The following NFYA variants were observed in gnomAD, a reference collection of about 807,000 sequenced individuals.
NFYA encodes CAAT-box DNA binding protein subunit A.
In NFYA, 28 loss-of-function variants were observed where a neutral mutation model predicts 52.8. That is an observed-to-expected ratio of 0.53 (90% CI 0.39 to 0.73). The LOEUF is 0.73. Ranked by LOEUF, NFYA falls within the 30% of genes least tolerant of loss-of-function variation. NFYA has a pLI of 0.00. For missense variants in NFYA, 234 were observed against 427.0 expected, an observed-to-expected ratio of 0.55 and a Z score of 3.98; for synonymous variants, 150 against 150.7, an observed-to-expected ratio of 1.00 and a Z score of 0.03.
intron 1 of NFYA, among the ~76,000 whole-genome samples, chr6:41,074,793 C>T (rs1295970337): frequency 6.6e-6 from 1 of 152,110 alleles, no homozygotes; most frequent in Non-Finnish European, 1.5e-5. Context: ...ATTGAAAAAA[C>T]GAGTTTCTGA....
chr6:41,091,886 T>C (rs761219638), intron 7 of NFYA, among the ~76,000 whole-genome samples, 192 bp downstream of exon 7: 6 of 152,188 alleles, frequency 3.9e-5, no homozygotes, highest in Non-Finnish European at 7.4e-5. Flanking sequence ...CCAGGGACTA[T>C]TCACCAGGGA....
chr6:41,090,305 G>C lies in NFYA; in HGVS notation c.543G>C (p.Gln181His), dbSNP rs1479540305. The C allele has an allele frequency of 1.2e-6, 2 of 1,612,114 alleles. No individual in the cohort carries two copies. Among genetic ancestry groups the C allele is most frequent in the South Asian group, 2.2e-5 (2 of 91,018 alleles). Reference sequence around the variant, plus strand: ...TTAATGCAGATGGCACCATTCTCCAGCAAGGTAAGTGTACCCATAAGCTTC... The same window carrying C: ...TTAATGCAGATGGCACCATTCTCCACCAAGGTAAGTGTACCCATAAGCTTC... ...QPVNADGTIL[Q>H]QVTVPVSGMI... The change falls in exon 6 of 10, where the codon CAG (glutamine) becomes CAC (histidine). Residue 181 changes from glutamine (Q) to histidine (H), a missense_variant. By Grantham distance (24) the Gln-to-His change is conservative. Around this residue, in one of 3 missense-constraint regions of NFYA, gnomAD observed 81 missense variants for 210.5 expected, o/e 0.38. Coordinates refer to ENST00000341376, the MANE Select transcript of NFYA (RefSeq NM_002505.5).
intron 1 of NFYA, among the ~76,000 whole-genome samples, chr6:41,077,457 A>G (rs958852427): frequency 6.6e-6 from 1 of 152,042 alleles, no homozygotes; most frequent in Non-Finnish European, 1.5e-5. Context: ...TAGATTACTG[A>G]TGTCTTTTGG....
At chr6:41,081,652 C>T (rs1259272290) in intron 3 of NFYA, among the ~76,000 whole-genome samples, 2 of 152,318 alleles carry the variant, frequency 1.3e-5, no homozygotes, top group East Asian at 3.9e-4. Flanking sequence ...AGGGGCAACT[C>T]AACTGAAAAA....
At chr6:41,078,136 AC>A (rs1333781552) in intron 1 of NFYA, among the ~76,000 whole-genome samples, 2 of 152,126 alleles carry the variant, frequency 1.3e-5, no homozygotes, top group African/African-American at 4.8e-5. Flanking sequence ...ATATTTCTCC[AC>A]CCATTCATCC....
intron 4 of NFYA, among the ~76,000 whole-genome samples, chr6:41,086,945 A>G (rs1005973354): frequency 2.0e-5 from 3 of 152,200 alleles, no homozygotes; most frequent in Non-Finnish European, 1.5e-5. Context: ...TGCTATAGAG[A>G]AGGATATTTT....
chr6:41,089,639 G>A lies in NFYA; in HGVS notation c.370G>A (p.Gly124Ser). ...GGGTGGACAGGCTGTGCAGGTGCAG[G>A]GCCAGCAGGGCCAGACCCAGCAGAT... Reference protein sequence around the residue: ...IQGGQAVQVQGQQGQTQQIII... With the variant: ...IQGGQAVQVQSQQGQTQQIII... Residue 124 changes from glycine to serine, a missense_variant, in exon 5 of 10, where the codon GGC (glycine) becomes AGC (serine). Gly to Ser is a moderately conservative substitution (Grantham distance 56). Around this residue, in one of 3 missense-constraint regions of NFYA, gnomAD observed 118 missense variants for 182.4 expected, o/e 0.65. Coordinates refer to ENST00000341376, the MANE Select transcript of NFYA (RefSeq NM_002505.5). The A allele has an allele frequency of 6.2e-7, 1 of 1,612,564 alleles. No individual in the cohort carries two copies. The highest frequency in any genetic ancestry group is 8.5e-7 in the Non-Finnish European group (1 of 1,179,986).
At chr6:41,090,469 T>A (rs927163074) in intron 6 of NFYA, among the ~76,000 whole-genome samples, 160 bp downstream of exon 6, 1 of 152,232 alleles carries the variant, frequency 6.6e-6, no homozygotes, top group Non-Finnish European at 1.5e-5. Flanking sequence ...TGTTGGTTTC[T>A]TGTCACCATC....
At chr6:41,082,769 G>T (rs1763943643) in intron 3 of NFYA, among the ~76,000 whole-genome samples, 1 of 152,206 alleles carries the variant, frequency 6.6e-6, no homozygotes, top group Non-Finnish European at 1.5e-5. Context: ...GTGTAGCAAA[G>T]GGGATTTGAT....
Position 41,101,809 on chromosome 6 carries a change from A to AG in NFYA, c.*4402dup, listed in dbSNP as rs544938575. On this transcript the variant is annotated 3_prime_UTR_variant, in exon 10 of 10. Transcript: ENST00000341376. ...CCATCTCCAGCTCTTGGAAGCAGAG[A>AG]GGGTGGTCCTTTGGATTCCCAGTGG... Among the ~76,000 whole-genome samples the AG allele has an allele frequency of 3.8e-3, 582 of 152,220 alleles. 11 individuals carry two copies. The South Asian group carries it at 0.06, about 16-fold the overall frequency.
chr6:41,073,440 G>A (rs1763599442), intron 1 of NFYA, among the ~76,000 whole-genome samples: 1 of 151,998 alleles, frequency 6.6e-6, no homozygotes, highest in African/African-American at 2.4e-5. Context: ...CCTACACTAG[G>A]GGACACATGC....
intron 4 of NFYA, 104 bp downstream of exon 4, chr6:41,084,296 T>G: frequency 7.6e-7 from 1 of 1,318,592 alleles, no homozygotes; most frequent in South Asian, 1.5e-5. Context: ...AACTGCTTCC[T>G]AACCCACATT....
intron 4 of NFYA, among the ~76,000 whole-genome samples, chr6:41,084,456 ATATTT>A (rs1429440290): frequency 6.6e-6 from 1 of 152,244 alleles, no homozygotes; most frequent in African/African-American, 2.4e-5. Flanking sequence ...AGTTTATAGT[ATATTT>A]TATTTTAAAA....
chr6:41,088,712 G>A (rs1026878658), intron 4 of NFYA, among the ~76,000 whole-genome samples: 5 of 151,768 alleles, frequency 3.3e-5, no homozygotes, highest in Admixed American at 1.3e-4. Flanking sequence ...AGTTCCCCAA[G>A]TAGCTGGGAC....
intron 2 of NFYA, among the ~76,000 whole-genome samples, chr6:41,079,466 C>G (rs1409824847): frequency 6.6e-6 from 1 of 152,180 alleles, no homozygotes; most frequent in Non-Finnish European, 1.5e-5. Flanking sequence ...GTCTTTTTCT[C>G]TTCTTGTTTG....
At chr6:41,097,278 G>A in intron 9 of NFYA, 79 bp from the exon 10 acceptor site, 1 of 1,294,410 alleles carries the variant, frequency 7.7e-7, no homozygotes, top group Non-Finnish European at 1.1e-6. Flanking sequence ...GTATTCTCTT[G>A]GGGGGATAAG....
intron 4 of NFYA, among the ~76,000 whole-genome samples, chr6:41,089,267 A>C (rs919539891): frequency 2.0e-5 from 3 of 152,212 alleles, no homozygotes; most frequent in African/African-American, 7.2e-5. Context: ...TACAGGCGTG[A>C]GCCACCACAC....
At chr6:41,092,382 ATAATTTT>A (rs546731725) in intron 7 of NFYA, among the ~76,000 whole-genome samples, 2 of 152,360 alleles carry the variant, frequency 1.3e-5, no homozygotes, top group African/African-American at 4.8e-5. Context: ...TGAAAAATAA[ATAATTTT>A]TATAAAAGAT....
At chr6:41,073,207 T>C (rs1390815496) in intron 1 of NFYA, 123 bp downstream of exon 1, 1 of 151,754 alleles carries the variant, frequency 6.6e-6, no homozygotes, top group African/African-American at 2.4e-5. Context: ...GAGCTGAGCC[T>C]AGCCGAGCCG....
Sources: allele counts gnomAD v4.1 joint callset (sites outside exome capture counted in the v4.1 genomes callset), GRCh38; gene constraint gnomAD v4.1.1; regional missense constraint gnomAD v4.1.1; transcripts MANE v1.5; gene names NCBI Gene and HGNC (gene_info 2026-07-23, HGNC 2026-07-21).